STXBP6: variants seen among roughly 807,000 people sequenced by gnomAD.
STXBP6 encodes syntaxin-binding protein 6.
STXBP6 carries 21 observed loss-of-function variants against 26.9 expected under a neutral mutation model. The ratio of observed to expected loss-of-function variants is 0.78; its 90% CI spans 0.55 to 1.12. STXBP6 has a LOEUF of 1.12. STXBP6 is among the 50% of genes most tolerant of loss of function. The pLI is 0.00. For synonymous variants in STXBP6, 97 were observed against 92.6 expected (o/e 1.05, Z -0.27); for missense variants, 232 against 257.9 (o/e 0.90, Z 0.69).
At chr14:24,944,899 T>C (rs1341571256) in intron 2 of STXBP6, among the ~76,000 whole-genome samples, 1 of 152,070 alleles carries the variant, frequency 6.6e-6, no homozygotes, top group Non-Finnish European at 1.5e-5. Context: ...ATCTTAGCCC[T>C]GACTCTGCCA....
intron 4 of STXBP6, among the ~76,000 whole-genome samples, chr14:24,837,302 A>G (rs967820985): frequency 6.6e-6 from 1 of 152,202 alleles, no homozygotes; most frequent in Non-Finnish European, 1.5e-5. Context: ...AACTATTTTC[A>G]TCAAAGTATT....
At chr14:24,988,511 C>T (rs1047517219) in intron 1 of STXBP6, among the ~76,000 whole-genome samples, 2 of 152,166 alleles carry the variant, frequency 1.3e-5, no homozygotes, top group Non-Finnish European at 2.9e-5. Flanking sequence ...TCTATTAAGC[C>T]TACCCTTGAA....
chr14:24,852,508 G>A (rs1051551633), intron 4 of STXBP6, among the ~76,000 whole-genome samples: 3 of 151,992 alleles, frequency 2.0e-5, no homozygotes, highest in Admixed American at 6.6e-5. Context: ...GAGTACCTGA[G>A]AGGCCCTGTA....
rs1238901976 is a variant in STXBP6, at chr14:24,857,170, G to A, written c.155-13C>T. On this transcript the variant is annotated splice_polypyrimidine_tract_variant and intron_variant, in intron 2 of 5. Transcript: ENST00000323944. ...TTCTTGTTTGTCACTGCCAAGAAAA[G>A]ATCACTCAGATTAGTGCACCTGCAA... The A allele has an allele frequency of 2.5e-6, 4 of 1,612,298 alleles. No homozygotes were observed. In the African/African-American group the frequency reaches 5.3e-5, roughly 22 times the overall value.
chr14:25,021,944 C>CAAGGG (rs541250041), intron 1 of STXBP6, among the ~76,000 whole-genome samples: 268 of 152,262 alleles, frequency 1.8e-3, no homozygotes, highest in South Asian at 9.1e-3. Context: ...TCCTAGGCAT[C>CAAGGG]AAGGGAAGAT....
chr14:24,878,007 G>C (rs1225457872), intron 2 of STXBP6, among the ~76,000 whole-genome samples: 7 of 151,954 alleles, frequency 4.6e-5, no homozygotes, highest in African/African-American at 1.7e-4. Context: ...TTATTGGTGA[G>C]GTCCATTTGT....
intron 2 of STXBP6, among the ~76,000 whole-genome samples, chr14:24,887,356 C>G (rs994569222): frequency 2.0e-5 from 3 of 152,154 alleles, no homozygotes; most frequent in Admixed American, 2.0e-4. Flanking sequence ...ACATTCCCAA[C>G]TATTAATTTT....
chr14:25,035,484 G>A (rs1295735560), intron 1 of STXBP6, among the ~76,000 whole-genome samples: 1 of 152,164 alleles, frequency 6.6e-6, no homozygotes, highest in Non-Finnish European at 1.5e-5. Context: ...GCCAAGTCCA[G>A]ATCTGACATA....
At chr14:24,935,009 G>C (rs2072546980) in intron 2 of STXBP6, among the ~76,000 whole-genome samples, 1 of 152,130 alleles carries the variant, frequency 6.6e-6, no homozygotes. Flanking sequence ...GGAGCAATGG[G>C]ATGGTGGAAG....
At chr14:24,832,433 T>A (rs2068482831) in intron 4 of STXBP6, among the ~76,000 whole-genome samples, 1 of 152,206 alleles carries the variant, frequency 6.6e-6, no homozygotes, top group South Asian at 2.1e-4. Flanking sequence ...GCGGATATGC[T>A]AACACAAGTC....
intron 1 of STXBP6, among the ~76,000 whole-genome samples, chr14:25,013,419 G>C (rs1253613555): frequency 6.6e-6 from 1 of 151,068 alleles, no homozygotes; most frequent in Non-Finnish European, 1.5e-5. Flanking sequence ...CTAATGAATT[G>C]ATGGATTTAG....
At chr14:24,820,948 T>C (rs148984778) in intron 4 of STXBP6, among the ~76,000 whole-genome samples, 2 of 152,302 alleles carry the variant, frequency 1.3e-5, no homozygotes, top group African/African-American at 2.4e-5. Context: ...AGCATACAGA[T>C]AGGTTTTGAC....
intron 3 of STXBP6, 120 bp from the exon 4 acceptor site, chr14:24,856,221 C>T (rs529852802): frequency 4.0e-6 from 4 of 989,766 alleles, no homozygotes; most frequent in African/African-American, 3.3e-5. Flanking sequence ...TCATAAGGCT[C>T]ATCTTTATCC....
At chr14:24,845,188 A>G (rs1471684231) in intron 4 of STXBP6, among the ~76,000 whole-genome samples, 11 of 151,722 alleles carry the variant, frequency 7.3e-5, no homozygotes, top group Non-Finnish European at 1.6e-4. Flanking sequence ...ATTTTTTTGT[A>G]CTTTTAATAG....
chr14:24,953,462 C>A (rs774904622), intron 2 of STXBP6, among the ~76,000 whole-genome samples: 2 of 152,170 alleles, frequency 1.3e-5, no homozygotes, highest in Non-Finnish European at 2.9e-5. Flanking sequence ...CAAGTTGTCA[C>A]GCTTCCTTCT....
At chr14:25,011,560 A>G (rs1329081320) in intron 1 of STXBP6, among the ~76,000 whole-genome samples, 1 of 152,212 alleles carries the variant, frequency 6.6e-6, no homozygotes, top group East Asian at 1.9e-4. Context: ...TACTGGGTTC[A>G]GTCCAAGAGA....
At position 25,049,406 on chromosome 14, in the gene STXBP6, G is replaced by C; in HGVS notation, c.-33+472C>G. On this transcript the variant is annotated intron_variant, in intron 1 of 5. Transcript: ENST00000323944. This position sits in a 1 kb window ranked among gnomAD's most constrained non-coding sequence, Gnocchi z 5.6. ...TTTGGCAGTAATGATTTTCCTAGAA[G>C]ATGCCAGAGTTCGCGAAGATCGGAG... 1 of 985,424 alleles carries C rather than the reference G, an allele frequency of 1.0e-6. No individual in the cohort carries two copies. Among genetic ancestry groups the C allele is most frequent in the Non-Finnish European group, 1.2e-6 (1 of 829,946 alleles). The allele number at this position is 985,424 out of a possible 1,614,324, so 61.0% of individuals were successfully genotyped here.
At chr14:25,047,906 A>T (rs1001823321) in intron 1 of STXBP6, among the ~76,000 whole-genome samples, 2 of 152,176 alleles carry the variant, frequency 1.3e-5, no homozygotes, top group African/African-American at 2.4e-5. Context: ...TTGAGTTTCA[A>T]ACTAAGGCCT....
intron 1 of STXBP6, among the ~76,000 whole-genome samples, chr14:25,032,596 T>C (rs982570231): frequency 6.6e-6 from 1 of 152,208 alleles, no homozygotes; most frequent in Non-Finnish European, 1.5e-5. Context: ...AAGAGCCAAC[T>C]GTCACCACAG....
Sources: allele counts gnomAD v4.1 joint callset (sites outside exome capture counted in the v4.1 genomes callset), GRCh38; gene constraint gnomAD v4.1.1; non-coding constraint Gnocchi (gnomAD v3.1); transcripts MANE v1.5; gene names NCBI Gene and HGNC (gene_info 2026-07-23, HGNC 2026-07-21).